Variants in OGA observed in about 807,000 individuals in gnomAD.
The protein encoded by OGA is O-GlcNAcase, also known as protein O-GlcNAcase.
OGA carries 21 observed loss-of-function variants against 102.0 expected under a neutral mutation model. That is an observed-to-expected ratio of 0.21 (90% CI 0.15 to 0.30). The LOEUF is 0.30. OGA is among the 10% of genes least tolerant of loss of function. The probability of loss-of-function intolerance (pLI) is 1.00; values close to 1 mark genes in which losing one functional copy is unlikely to be tolerated. For missense variants in OGA, 765 were observed against 1,107.8 expected (o/e 0.69, Z 4.39); for synonymous variants, 408 against 378.2 (o/e 1.08, Z -0.91).
chr10:101,792,092 T>C (rs1564640334), intron 12 of OGA, among the ~76,000 whole-genome samples: 1 of 151,006 alleles, frequency 6.6e-6, no homozygotes, highest in Non-Finnish European at 1.5e-5. Context: ...GATCTCGGCT[T>C]ACTGCAAGCT....
At chr10:101,798,211 G>C in intron 9 of OGA, 57 bp from the exon 10 acceptor site, 1 of 1,535,548 alleles carries the variant, frequency 6.5e-7, no homozygotes, top group Non-Finnish European at 8.9e-7. Flanking sequence ...AATAATCTGA[G>C]ACACAGTTAC....
intron 14 of OGA, among the ~76,000 whole-genome samples, chr10:101,790,271 T>G (rs1213429761): frequency 9.2e-5 from 13 of 140,824 alleles, no homozygotes; most frequent in South Asian, 2.4e-4. Context: ...TCTTGTTTTT[T>G]TTTTTTTTTT....
Position 101,799,389 on chromosome 10 carries a change from G to A in OGA, c.1262C>T (p.Pro421Leu), listed in dbSNP as rs1350094471. 1.2e-6 allele frequency: 2 copies of A among 1,613,938 alleles called. No homozygotes were observed. The highest frequency in any genetic ancestry group is 1.7e-6 in the Non-Finnish European group (2 of 1,179,984). ...TACTACGGTTGTGGCATTTAAAGAG[G>A]GTGCTGCAACTAAAGGAGTCCCATC... is the stretch of plus-strand genomic sequence containing the variant. ...VVDGTPLVAAPSLNATTVVTT... is the reference protein window; with the variant it reads ...VVDGTPLVAALSLNATTVVTT... The change falls in exon 9 of 16, where the codon CCC becomes CTC. Residue 421 changes from proline (P) to leucine (L), a missense_variant. Pro to Leu is a moderately conservative substitution (Grantham distance 98). Coordinates refer to ENST00000361464, the MANE Select transcript of OGA (RefSeq NM_012215.5).
At chr10:101,793,734 T>C (rs559704805) in intron 11 of OGA, 179 bp downstream of exon 11, 1 of 533,668 alleles carries the variant, frequency 1.9e-6, no homozygotes, top group Admixed American at 3.2e-5. Context: ...CAGCATCTCC[T>C]TCAGAAATTA....
intron 7 of OGA, among the ~76,000 whole-genome samples, chr10:101,801,148 T>TG (rs376373739): frequency 6.6e-6 from 1 of 151,776 alleles, no homozygotes; most frequent in African/African-American, 2.4e-5. Flanking sequence ...CTCAGCACTT[T>TG]GGGAGGCTGA....
In OGA at chr10:101,786,335, C is replaced by T. The variant is rs1046104883; in HGVS notation, c.*116G>A. Reference sequence around the variant, plus strand: ...GAGTTTTACATAGTCTTCTTTGTTTCGAATCCAATTGGCTGATTTGTTACC... The same window carrying T: ...GAGTTTTACATAGTCTTCTTTGTTTTGAATCCAATTGGCTGATTTGTTACC... On this transcript the variant is annotated 3_prime_UTR_variant, in exon 16 of 16. Coordinates refer to ENST00000361464, the MANE Select transcript of OGA (RefSeq NM_012215.5). 9 of 1,107,920 alleles carry T rather than the reference C, an allele frequency of 8.1e-6. No homozygotes were observed. The highest frequency in any genetic ancestry group is 9.8e-6 in the Non-Finnish European group (8 of 818,470). 68.6% of individuals were successfully genotyped at this position (1,107,920 alleles called of 1,614,324 possible).
At chr10:101,795,566 G>C (rs762953793) in intron 10 of OGA, among the ~76,000 whole-genome samples, 7 of 152,206 alleles carry the variant, frequency 4.6e-5, no homozygotes, top group Admixed American at 1.3e-4. Flanking sequence ...CTGAATGCCA[G>C]CTGGACTGGA....
At chr10:101,798,286 G>C in intron 9 of OGA, 132 bp from the exon 10 acceptor site, 1 of 809,362 alleles carries the variant, frequency 1.2e-6, no homozygotes, top group African/African-American at 1.7e-5. Flanking sequence ...ATCATTTTGT[G>C]TCTCCCCAAA....
At chr10:101,806,354 C>T (rs1401092242) in intron 5 of OGA, among the ~76,000 whole-genome samples, 4 of 152,174 alleles carry the variant, frequency 2.6e-5, no homozygotes, top group African/African-American at 9.7e-5. Context: ...AGGCGCACGC[C>T]GCCACGCCCG....
At position 101,800,376 on chromosome 10, in the gene OGA, G is replaced by A; in HGVS notation, c.1061C>T (p.Ser354Phe). 6.2e-7 allele frequency: 1 copy of A among 1,613,166 alleles called. No individual in the cohort carries two copies. Among genetic ancestry groups the A allele is most frequent in the Non-Finnish European group, 8.5e-7 (1 of 1,179,346 alleles). The change falls in exon 8 of 16, where the codon TCC becomes TTC. Residue 354 changes from serine (S) to phenylalanine (F), a missense_variant. Physicochemically the swap from Ser to Phe is radical, Grantham distance 155. Coordinates refer to ENST00000361464, the MANE Select transcript of OGA (RefSeq NM_012215.5). ...TTCATTTTCTAATTTTATCTGGATG[G>A]ACACAGTACTATCTTCACTGTCAGC... ...VMTDSEDSTV[S>F]IQIKLENEGS...
intron 10 of OGA, 59 bp downstream of exon 10, chr10:101,797,921 T>A (rs746355558): frequency 6.6e-7 from 1 of 1,521,074 alleles, no homozygotes. Context: ...CCCTGTGGGA[T>A]AATTTTTTTT....
At chr10:101,794,062 T>G in intron 10 of OGA, 64 bp from the exon 11 acceptor site, 1 of 1,153,816 alleles carries the variant, frequency 8.7e-7, no homozygotes, top group Non-Finnish European at 1.3e-6. Flanking sequence ...GTCTCAAATG[T>G]CCAACAAACT....
At chr10:101,790,782 G>A in intron 14 of OGA, 114 bp downstream of exon 14, 1 of 732,774 alleles carries the variant, frequency 1.4e-6, no homozygotes, top group Non-Finnish European at 2.1e-6. Context: ...AAAGCACTAA[G>A]ATTTTATGAT....
intron 11 of OGA, chr10:101,793,711 C>CG (rs1456027891): frequency 1.6e-4 from 78 of 497,472 alleles, no homozygotes; most frequent in Non-Finnish European, 1.9e-4. Flanking sequence ...TTCGCAGGCG[C>CG]GGGGGGGATT....
intron 4 of OGA, among the ~76,000 whole-genome samples, chr10:101,809,705 CA>C (rs373690932): frequency 2.1e-3 from 125 of 59,086 alleles, no homozygotes; most frequent in Admixed American, 3.2e-3. Flanking sequence ...GACTCTGTCT[CA>C]AAAAAAAAAA....
chr10:101,818,243 G>A lies in OGA; in HGVS notation c.-221C>T, dbSNP rs1178821368. The A allele has an allele frequency of 1.5e-6, 2 of 1,328,520 alleles. No individual in the cohort carries two copies. The highest frequency in any genetic ancestry group is 3.7e-5 in the Admixed American group (1 of 27,036). 82.3% of individuals were successfully genotyped at this position (1,328,520 alleles called of 1,614,324 possible). Reference sequence around the variant, plus strand: ...CGAGCCCTTTGTCAGCCGCAGCCTCGGCTTTAAGCTGGGGCGCCAGAAGCC... The same window carrying A: ...CGAGCCCTTTGTCAGCCGCAGCCTCAGCTTTAAGCTGGGGCGCCAGAAGCC... On this transcript the variant is annotated 5_prime_UTR_variant, in exon 1 of 16. Transcript: ENST00000361464.
intron 5 of OGA, 85 bp from the exon 6 acceptor site, chr10:101,806,228 G>C (rs1054154260): frequency 1.2e-6 from 1 of 844,548 alleles, no homozygotes; most frequent in African/African-American, 1.7e-5. Flanking sequence ...TTGAGACGGA[G>C]TCTCACTCTT....
chr10:101,805,198 G>C (rs1200134044), intron 6 of OGA, among the ~76,000 whole-genome samples: 1 of 151,980 alleles, frequency 6.6e-6, no homozygotes, highest in Non-Finnish European at 1.5e-5. Flanking sequence ...CAGCCCACCT[G>C]GCTAAGTTTT....
intron 12 of OGA, 74 bp downstream of exon 12, chr10:101,792,765 C>T (rs1436401247): frequency 9.7e-7 from 1 of 1,026,000 alleles, no homozygotes; most frequent in Non-Finnish European, 1.5e-6. Context: ...TTCCTTTAAC[C>T]AGTGAGTTAA....
Sources: allele counts gnomAD v4.1 joint callset (sites outside exome capture counted in the v4.1 genomes callset), GRCh38; gene constraint gnomAD v4.1.1; transcripts MANE v1.5; gene names NCBI Gene and HGNC (gene_info 2026-07-23, HGNC 2026-07-21).